APAF1: variants seen among roughly 807,000 people sequenced by gnomAD.
APAF1 encodes apoptotic peptidase activating factor 1.
A neutral mutation model predicts 152.4 loss-of-function variants in APAF1; 91 were observed. The observed-to-expected ratio is 0.60, with a 90% CI of 0.50 to 0.71. The LOEUF is 0.71. Among genes scored for constraint, APAF1 ranks in the 30% least tolerant of loss-of-function variants. The probability of loss-of-function intolerance (pLI) is 0.00; values close to 1 mark genes in which losing one functional copy is unlikely to be tolerated. For missense variants in APAF1, 1,283 were observed against 1,472.0 expected, an observed-to-expected ratio of 0.87 and a Z score of 2.10; for synonymous variants, 484 against 494.1, an observed-to-expected ratio of 0.98 and a Z score of 0.27.
At chr12:98,672,257 C>T (rs142160690) in intron 12 of APAF1, among the ~76,000 whole-genome samples, 108 of 152,028 alleles carry the variant, frequency 7.1e-4, no homozygotes, top group African/African-American at 1.9e-3. Context: ...CTCTGCCTCC[C>T]GGATTCAAAC....
At chr12:98,682,736 A>G (rs904061050) in intron 14 of APAF1, among the ~76,000 whole-genome samples, 4 of 152,166 alleles carry the variant, frequency 2.6e-5, no homozygotes, top group Admixed American at 2.0e-4. Context: ...AGATGCAGGT[A>G]AGTTAGGGAT....
chr12:98,729,328 G>T (rs2097756522), intron 26 of APAF1, among the ~76,000 whole-genome samples: 1 of 152,194 alleles, frequency 6.6e-6, no homozygotes, highest in Non-Finnish European at 1.5e-5. Flanking sequence ...GGGGAGCGGG[G>T]AATGGTTTCA....
intron 16 of APAF1, among the ~76,000 whole-genome samples, chr12:98,690,200 C>T (rs752721543): frequency 1.7e-4 from 26 of 152,286 alleles, no homozygotes; most frequent in South Asian, 4.1e-4. Flanking sequence ...GCTTTGCTGA[C>T]GGAAGATAAC....
intron 12 of APAF1, among the ~76,000 whole-genome samples, chr12:98,674,832 A>G (rs2097684857): frequency 6.6e-6 from 1 of 152,236 alleles, no homozygotes. Context: ...CACCCAGTTC[A>G]TAGAAAGTGC....
chr12:98,677,127 T>C (rs1301109878), intron 12 of APAF1, among the ~76,000 whole-genome samples: 1 of 152,246 alleles, frequency 6.6e-6, no homozygotes, highest in Non-Finnish European at 1.5e-5. Flanking sequence ...GAAAGTGACA[T>C]GTTGATTAAC....
intron 22 of APAF1, 38 bp from the exon 23 acceptor site, chr12:98,723,155 G>C (rs779872265): frequency 6.2e-7 from 1 of 1,606,456 alleles, no homozygotes. Flanking sequence ...GATAGGATCG[G>C]GGGAGGATTA....
chr12:98,659,017 C>T (rs145257741), intron 4 of APAF1, 143 bp from the exon 5 acceptor site: 30 of 765,520 alleles, frequency 3.9e-5, no homozygotes, highest in African/African-American at 1.0e-4. Context: ...GTATCTTGCA[C>T]GTAAAATTTC....
In APAF1 at chr12:98,733,126, G is replaced by GC. The variant is rs977649550; in HGVS notation, c.*567dup. ...AATAAGTGAGTCTTGGATTTAGCAG[G>GC]CCCCCCCACCTTTTTTTTTTGTTTT... On this transcript the variant is annotated 3_prime_UTR_variant, in exon 27 of 27. Transcript: ENST00000551964. 26 of 152,564 alleles carry GC rather than the reference G, an allele frequency of 1.7e-4. No individual in the cohort carries two copies. In the South Asian group the frequency reaches 4.8e-3, roughly 28 times the overall value. The allele number at this position is 152,564 out of a possible 1,614,324, so 9.5% of individuals were successfully genotyped here. A position where few individuals can be genotyped will look rare whatever the true frequency, so the allele number is the denominator to read the frequency against.
Position 98,727,389 on chromosome 12 carries a change from G to A in APAF1, c.3600+73G>A, listed in dbSNP as rs916269217. The stretch of plus-strand genomic sequence containing the variant: ...ACTTTCCAAGCTATTTTCACTTCCT[G>A]TTTCTCAGTTGGGCCTTTTACAACC... On this transcript the variant is annotated intron_variant, in intron 26 of 26. Transcript: ENST00000551964. 14 of 1,553,994 alleles carry A rather than the reference G, an allele frequency of 9.0e-6. No individual in the cohort carries two copies. The African/African-American group carries it at 1.6e-4, about 18-fold the overall frequency.
At chr12:98,655,747 G>A (rs962347223) in intron 4 of APAF1, among the ~76,000 whole-genome samples, 1 of 151,590 alleles carries the variant, frequency 6.6e-6, no homozygotes, top group Non-Finnish European at 1.5e-5. Context: ...CTGAGTAGCT[G>A]GGCCACAGGC....
At chr12:98,711,040 T>C (rs1349026331) in intron 20 of APAF1, among the ~76,000 whole-genome samples, 3 of 152,214 alleles carry the variant, frequency 2.0e-5, no homozygotes, top group Non-Finnish European at 2.9e-5. Context: ...TGAATATGGC[T>C]TGCTTTGATT....
At chr12:98,694,865 T>C (rs1407596896) in intron 16 of APAF1, among the ~76,000 whole-genome samples, 1 of 151,904 alleles carries the variant, frequency 6.6e-6, no homozygotes, top group Non-Finnish European at 1.5e-5. Context: ...TTATCTGTTT[T>C]TATCATGAAC....
chr12:98,662,517 T>C lies in APAF1; in HGVS notation c.772T>C (p.Cys258Arg), dbSNP rs746875464. ...GGTGTTGAAAGCTTTTGACAGTCAG[T>C]GTCAGATTCTTCTTACAACCAGAGA... The part of the protein sequence containing the change: ...SWVLKAFDSQ[C>R]QILLTTRDKS... Residue 258 changes from cysteine to arginine, a missense_variant, in exon 6 of 27, where the codon TGT (cysteine) becomes CGT (arginine). By Grantham distance (180) the Cys-to-Arg change is radical. Transcript: ENST00000551964. The C allele has an allele frequency of 7.4e-6, 12 of 1,613,688 alleles. No individual in the cohort carries two copies. The highest frequency in any genetic ancestry group is 1.3e-5 in the African/African-American group (1 of 75,024).
At chr12:98,694,556 C>T (rs1246664140) in intron 16 of APAF1, among the ~76,000 whole-genome samples, 1 of 152,030 alleles carries the variant, frequency 6.6e-6, no homozygotes, top group Non-Finnish European at 1.5e-5. Flanking sequence ...ATTTCTGCTA[C>T]CATATTTTTA....
In APAF1 at chr12:98,682,093, G is replaced by A. The variant is rs112537517; in HGVS notation, c.2047-1050G>A. On this transcript the variant is annotated intron_variant, in intron 14 of 26. Coordinates refer to ENST00000551964, the MANE Select transcript of APAF1 (RefSeq NM_181861.2). ...TTTTGAGACGGAGTCTCGCTCTTTC[G>A]CCCAGGTTGAACTGCAGTGGCGCTA... Among the ~76,000 whole-genome samples the A allele has an allele frequency of 1.1e-3, 143 of 132,708 alleles. 1 individual carries two copies. Among genetic ancestry groups the A allele is most frequent in the Middle Eastern group, 4.7e-3 (1 of 212 alleles). 87.1% of individuals were successfully genotyped at this position (132,708 alleles called of 152,430 possible).
chr12:98,647,621 C>T (rs968387143), intron 1 of APAF1, among the ~76,000 whole-genome samples: 2 of 151,818 alleles, frequency 1.3e-5, no homozygotes, highest in Admixed American at 1.3e-4. Flanking sequence ...CCACCCGCCT[C>T]GGCCTCCCAA....
At position 98,649,674 on chromosome 12, in the gene APAF1, C is replaced by T; in HGVS notation, c.516C>T (p.Ser172=). 6.2e-7 allele frequency: 1 copy of T among 1,613,780 alleles called. No homozygotes were observed. Residue 172 remains serine (S), a synonymous_variant, in exon 4 of 27, where the codon TCC becomes TCT. Coordinates refer to ENST00000551964, the MANE Select transcript of APAF1 (RefSeq NM_181861.2). ...CTGCAGAAGCTGTTAGAGATCATTC[C>T]CTTTTAGAAGGTAAGTGTCTTAGTC... ...VLAAEAVRDH[S]LLEGCFPGGV...
intron 16 of APAF1, among the ~76,000 whole-genome samples, chr12:98,688,534 C>T (rs1326631925): frequency 6.8e-6 from 1 of 147,856 alleles, no homozygotes; most frequent in Non-Finnish European, 1.5e-5. Context: ...TGCAGTGGTA[C>T]CATCATGGCT....
rs968617287 is a variant in APAF1 at position 98,732,584 on chromosome 12, G to A, written c.*18G>A. On this transcript the variant is annotated 3_prime_UTR_variant, in exon 27 of 27. Coordinates refer to ENST00000551964, the MANE Select transcript of APAF1 (RefSeq NM_181861.2). ...TAGAATAAAATAGTTAAGCATTAAT[G>A]TAGTTGAACTTTTTAAATTTTTGAA... 14 of 1,505,534 alleles carry A rather than the reference G, an allele frequency of 9.3e-6. No individual in the cohort carries two copies. The highest frequency in any genetic ancestry group is 4.2e-5 in the African/African-American group (3 of 71,588). 93.3% of individuals were successfully genotyped at this position (1,505,534 alleles called of 1,614,324 possible).
Sources: allele counts gnomAD v4.1 joint callset (sites outside exome capture counted in the v4.1 genomes callset), GRCh38; gene constraint gnomAD v4.1.1; transcripts MANE v1.5; gene names NCBI Gene and HGNC (gene_info 2026-07-23, HGNC 2026-07-21).